The following FARP1 variants were observed in gnomAD, a reference collection of about 807,000 sequenced individuals.
FARP1 encodes FERM, ARH/RhoGEF and pleckstrin domain protein 1.
A neutral mutation model predicts 128.8 loss-of-function variants in FARP1; 52 were observed. That is an observed-to-expected ratio of 0.40 (90% confidence interval 0.32 to 0.51). The LOEUF is 0.51. Ranked by LOEUF, FARP1 falls within the 20% of genes least tolerant of loss-of-function variation. The pLI is 0.45. For missense variants in FARP1, 1,333 were observed against 1,367.9 expected (o/e 0.97, Z 0.40); for synonymous variants, 580 against 551.8 (o/e 1.05, Z -0.72).
intron 2 of FARP1, among the ~76,000 whole-genome samples, chr13:98,262,560 G>A (rs1340602072): frequency 3.3e-5 from 5 of 152,116 alleles, no homozygotes; most frequent in East Asian, 1.9e-4. Flanking sequence ...TGAAAGGATC[G>A]CATTACAGGT....
intron 3 of FARP1, among the ~76,000 whole-genome samples, chr13:98,355,587 G>C (rs1193295552): frequency 6.6e-6 from 1 of 152,142 alleles, no homozygotes; most frequent in East Asian, 1.9e-4. Flanking sequence ...GTTTCAACAA[G>C]CCCTTACTTA....
In FARP1 at chr13:98,277,922, G is replaced by T. The variant is rs1305083535; in HGVS notation, c.171+64509G>T. On this transcript the variant is annotated intron_variant, in intron 2 of 26. Coordinates refer to ENST00000319562, the MANE Select transcript of FARP1 (RefSeq NM_005766.4). ...AAAGCTTTCCAGGTGATTCTATTGT[G>T]CAGCGAGGGTCAAAATCTGGTGATC... Among the ~76,000 whole-genome samples, 3 of 89,162 alleles carry T rather than the reference G, an allele frequency of 3.4e-5. No homozygotes were observed. The East Asian group carries it at 7.3e-4, about 22-fold the overall frequency. 58.5% of individuals were successfully genotyped at this position (89,162 alleles called of 152,430 possible).
rs1893255945 is a variant in FARP1 at position 98,452,709 on chromosome 13, A to G, written c.*4392A>G. On this transcript the variant is annotated 3_prime_UTR_variant, in exon 27 of 27. Coordinates refer to ENST00000319562, the MANE Select transcript of FARP1 (RefSeq NM_005766.4). ...ACACAGTGATTCCTTATGCACGCCG[A>G]AAGGGTTTCCGTAAAAATGACATTA... The G allele has an allele frequency of 6.4e-6, 1 of 155,958 alleles. No homozygotes were observed. 9.7% of individuals were successfully genotyped at this position (155,958 alleles called of 1,614,324 possible).
intron 3 of FARP1, among the ~76,000 whole-genome samples, chr13:98,349,672 G>GAAAAAAAAAAAAAA (rs56376512): frequency 1.7e-5 from 1 of 59,864 alleles, no homozygotes; most frequent in Non-Finnish European, 3.0e-5. Flanking sequence ...CCATCTCAGG[G>GAAAAAAAAAAAAAA]AAAAAAAAAA....
At chr13:98,166,600 A>G (rs894728950) in intron 1 of FARP1, among the ~76,000 whole-genome samples, 18 of 152,038 alleles carry the variant, frequency 1.2e-4, no homozygotes, top group South Asian at 2.1e-4. Context: ...AACCCACACA[A>G]TCTGGATCTG....
At chr13:98,266,685 A>G (rs553765789) in intron 2 of FARP1, among the ~76,000 whole-genome samples, 1 of 152,320 alleles carries the variant, frequency 6.6e-6, no homozygotes, top group East Asian at 1.9e-4. Context: ...ATGTTCTTTA[A>G]TTATCAATAA....
intron 2 of FARP1, among the ~76,000 whole-genome samples, chr13:98,319,487 G>A (rs560417906): frequency 4.2e-4 from 64 of 152,166 alleles, no homozygotes; most frequent in Non-Finnish European, 8.2e-4. Context: ...AGGCGTGGTA[G>A]CAGGCACCTG....
intron 3 of FARP1, among the ~76,000 whole-genome samples, chr13:98,346,672 G>C (rs1315880824): frequency 6.6e-6 from 1 of 152,098 alleles, no homozygotes; most frequent in Non-Finnish European, 1.5e-5. Flanking sequence ...CTGGACCCAG[G>C]AGGCAGAGGT....
chr13:98,395,384 A>C lies in FARP1; in HGVS notation c.1322A>C (p.Asp441Ala), dbSNP rs745581191. ...AGCCCCGCGGGTAACAAGCAGGCGG[A>C]CGGAGCCGCCTCGGCGCCCACGGAG... ...RRSPAGNKQA[D>A]GAASAPTEEE... The change falls in exon 13 of 27, where the codon GAC (aspartate) becomes GCC (alanine). Residue 441 changes from aspartate to alanine, a missense_variant. This residue lies in a region of FARP1 where 1,009 missense variants were observed against 969.8 expected (regional missense o/e 1.04). Transcript: ENST00000319562. 6.2e-7 allele frequency: 1 copy of C among 1,611,810 alleles called. No homozygotes were observed. Among genetic ancestry groups the C allele is most frequent in the South Asian group, 1.1e-5 (1 of 91,022 alleles).
chr13:98,275,264 C>T (rs996049262), intron 2 of FARP1, among the ~76,000 whole-genome samples: 21 of 150,294 alleles, frequency 1.4e-4, no homozygotes, highest in African/African-American at 4.9e-4. Flanking sequence ...ACACACTGAG[C>T]TATTTATGCA....
chr13:98,446,959 G>A (rs769268062), intron 26 of FARP1, 142 bp downstream of exon 26: 8 of 815,900 alleles, frequency 9.8e-6, no homozygotes, highest in Admixed American at 9.6e-5. Flanking sequence ...CCCACTGCCC[G>A]ACACCAGCAG....
intron 24 of FARP1, among the ~76,000 whole-genome samples, chr13:98,444,326 TGGG>T (rs1013039904): frequency 6.6e-6 from 1 of 151,894 alleles, no homozygotes; most frequent in Non-Finnish European, 1.5e-5. Context: ...TTGGACTTGT[TGGG>T]GGTGCAATTC....
chr13:98,357,638 T>C (rs1218688557), intron 3 of FARP1, among the ~76,000 whole-genome samples: 1 of 152,194 alleles, frequency 6.6e-6, no homozygotes, highest in African/African-American at 2.4e-5. Flanking sequence ...TTCAAACATA[T>C]GGAATATAGT....
intron 2 of FARP1, among the ~76,000 whole-genome samples, chr13:98,228,415 GT>G: frequency 6.6e-6 from 1 of 150,836 alleles, no homozygotes; most frequent in Non-Finnish European, 1.5e-5. Context: ...CATGTTACCT[GT>G]TTTTTTAAAT....
chr13:98,290,449 G>A (rs543055284), intron 2 of FARP1, among the ~76,000 whole-genome samples: 6 of 152,076 alleles, frequency 3.9e-5, no homozygotes, highest in Admixed American at 2.6e-4. Flanking sequence ...AAAAGAGAAC[G>A]TGCAAAGGCC....
At chr13:98,226,006 GT>G (rs200088616) in intron 2 of FARP1, among the ~76,000 whole-genome samples, 51,138 of 151,806 alleles carry the variant, frequency 0.34, 9,019 homozygotes, top group Middle Eastern at 0.48. Flanking sequence ...TTAGTTGTCC[GT>G]TTTTCCAGGC....
At chr13:98,160,461 A>G (rs1876800495) in intron 1 of FARP1, among the ~76,000 whole-genome samples, 1 of 152,210 alleles carries the variant, frequency 6.6e-6, no homozygotes, top group Admixed American at 6.5e-5. Flanking sequence ...GCTTTAAAAA[A>G]AATTTAAAAA....
At chr13:98,150,887 A>G (rs1258473623) in intron 1 of FARP1, among the ~76,000 whole-genome samples, 5 of 152,080 alleles carry the variant, frequency 3.3e-5, no homozygotes, top group African/African-American at 1.2e-4. Context: ...ACACAGAAGG[A>G]TTATGGGAAA....
chr13:98,266,547 G>T (rs1048034), intron 2 of FARP1, among the ~76,000 whole-genome samples: 57,481 of 152,020 alleles, frequency 0.38, 11,192 homozygotes, highest in South Asian at 0.53. Flanking sequence ...TACTTGCTCT[G>T]CCAAGAAGCA....
Sources: allele counts gnomAD v4.1 joint callset (sites outside exome capture counted in the v4.1 genomes callset), GRCh38; gene constraint gnomAD v4.1.1; regional missense constraint gnomAD v4.1.1; transcripts MANE v1.5; gene names NCBI Gene and HGNC (gene_info 2026-07-23, HGNC 2026-07-21).